The following PAX5 variants were observed in gnomAD, a reference collection of about 807,000 sequenced individuals.
The protein encoded by PAX5 is paired box protein Pax-5.
PAX5 carries 9 observed loss-of-function variants against 43.7 expected under a neutral mutation model. The ratio of observed to expected loss-of-function variants is 0.21; its 90% CI spans 0.12 to 0.36. PAX5 has a LOEUF of 0.36. Ranked by LOEUF, PAX5 falls within the 10% of genes least tolerant of loss-of-function variation. PAX5 has a pLI of 1.00. For missense variants in PAX5, 383 were observed against 532.7 expected, an observed-to-expected ratio of 0.72 and a Z score of 2.77; for synonymous variants, 228 against 214.3, an observed-to-expected ratio of 1.06 and a Z score of -0.56.
intron 7 of PAX5, among the ~76,000 whole-genome samples, chr9:36,920,183 A>G (rs1830052516): frequency 6.6e-6 from 1 of 152,234 alleles, no homozygotes; most frequent in South Asian, 2.1e-4. Flanking sequence ...TGAAATGCCA[A>G]CAAAGGATTT....
intron 3 of PAX5, among the ~76,000 whole-genome samples, chr9:37,013,314 G>A (rs1159080070): frequency 6.6e-6 from 1 of 152,046 alleles, no homozygotes; most frequent in Non-Finnish European, 1.5e-5. Context: ...ATCGTCTTTT[G>A]CCTGGCCTGC....
chr9:36,871,076 C>T (rs187936029), intron 8 of PAX5, among the ~76,000 whole-genome samples: 3 of 152,364 alleles, frequency 2.0e-5, no homozygotes, highest in Non-Finnish European at 4.4e-5. Context: ...AGGGAATTGC[C>T]ACCTGCCCTC....
At chr9:36,847,003 C>A in intron 8 of PAX5, 74 bp from the exon 9 acceptor site, 2 of 1,077,730 alleles carry the variant, frequency 1.9e-6, no homozygotes, top group Non-Finnish European at 2.8e-6. Context: ...TGGGTCCCAG[C>A]CAGCCTGGTT....
chr9:36,899,577 C>T (rs1276626223), intron 7 of PAX5, among the ~76,000 whole-genome samples: 1 of 152,114 alleles, frequency 6.6e-6, no homozygotes, highest in Non-Finnish European at 1.5e-5. Flanking sequence ...TACTTTCCAA[C>T]CTCTCCACTG....
intron 5 of PAX5, among the ~76,000 whole-genome samples, chr9:36,974,336 C>T (rs563971398): frequency 1.8e-4 from 28 of 152,322 alleles, no homozygotes; most frequent in African/African-American, 6.7e-4. Context: ...GGCTGCAAAG[C>T]TCCCCACACC....
intron 7 of PAX5, among the ~76,000 whole-genome samples, chr9:36,900,872 C>T (rs1828326321): frequency 6.6e-6 from 1 of 152,164 alleles, no homozygotes; most frequent in South Asian, 2.1e-4. Flanking sequence ...AGCTCCTCTT[C>T]CATGGTCTTC....
chr9:37,018,599 G>C (rs966276987), intron 2 of PAX5, among the ~76,000 whole-genome samples: 4 of 108,902 alleles, frequency 3.7e-5, no homozygotes, highest in African/African-American at 1.2e-4. Flanking sequence ...TCTGTGGATT[G>C]AACGGCCCCA....
chr9:36,895,185 G>T (rs1011733071), intron 7 of PAX5, among the ~76,000 whole-genome samples: 1 of 152,242 alleles, frequency 6.6e-6, no homozygotes, highest in African/African-American at 2.4e-5. Flanking sequence ...GACGAGAGGC[G>T]CAGAGGGAAG....
intron 6 of PAX5, among the ~76,000 whole-genome samples, chr9:36,941,237 G>A (rs978742235): frequency 2.6e-5 from 4 of 152,184 alleles, no homozygotes; most frequent in African/African-American, 4.8e-5. Flanking sequence ...ACCTATCTGT[G>A]GAACACAACT....
chr9:37,001,810 CTTTTTTTTTTTTT>C (rs3073720), intron 5 of PAX5, among the ~76,000 whole-genome samples: 8 of 87,996 alleles, frequency 9.1e-5, no homozygotes, highest in South Asian at 5.1e-4. Flanking sequence ...ACAGCTCTGG[CTTTTTTTTTTTTT>C]TTTTTTTTTT....
rs1821466325 is a variant in PAX5 at position 36,834,089 on chromosome 9, G to A, written c.*6471C>T. On this transcript the variant is annotated 3_prime_UTR_variant, in exon 10 of 10. Transcript: ENST00000358127. ...ACTCAATGTCCAAGGCCACTAGAGG[G>A]TGAAAAACCAGGGCAGCGTCTTCCA... 1 of 233,126 alleles carries A rather than the reference G, an allele frequency of 4.3e-6. No individual in the cohort carries two copies. The highest frequency in any genetic ancestry group is 5.6e-5 in the Admixed American group (1 of 17,778). The allele number at this position is 233,126 out of a possible 1,614,324, so 14.4% of individuals were successfully genotyped here. A position where few individuals can be genotyped will look rare whatever the true frequency, so the allele number is the denominator to read the frequency against.
intron 8 of PAX5, among the ~76,000 whole-genome samples, chr9:36,859,136 C>T (rs144191351): frequency 5.3e-5 from 8 of 152,272 alleles, no homozygotes; most frequent in East Asian, 1.9e-4. Context: ...CCGAGGAGCG[C>T]GCTCAATTCT....
chr9:36,994,606 C>T (rs2132345263), intron 5 of PAX5, among the ~76,000 whole-genome samples: 1 of 152,300 alleles, frequency 6.6e-6, no homozygotes, highest in East Asian at 1.9e-4. Context: ...AGAGTTCATG[C>T]TAAGACTCCA....
chr9:36,859,243 G>A (rs955554745), intron 8 of PAX5, among the ~76,000 whole-genome samples: 7 of 152,180 alleles, frequency 4.6e-5, no homozygotes, highest in South Asian at 2.1e-4. Flanking sequence ...CACAGTCTGC[G>A]GGAGGGGCAG....
intron 2 of PAX5, among the ~76,000 whole-genome samples, chr9:37,016,053 A>G (rs565848284): frequency 6.6e-6 from 1 of 152,382 alleles, no homozygotes; most frequent in South Asian, 2.1e-4. Flanking sequence ...TGAATGAACA[A>G]ATAAATGAAT....
intron 8 of PAX5, among the ~76,000 whole-genome samples, chr9:36,868,186 G>A (rs1464382940): frequency 6.6e-6 from 1 of 152,272 alleles, no homozygotes; most frequent in Non-Finnish European, 1.5e-5. Context: ...CTGGGGGCGT[G>A]CCAGTAGCAC....
intron 3 of PAX5, among the ~76,000 whole-genome samples, chr9:37,010,949 T>C (rs1349533766): frequency 6.6e-6 from 1 of 151,910 alleles, no homozygotes; most frequent in Non-Finnish European, 1.5e-5. Flanking sequence ...GATGAAACCC[T>C]ATCTCTACAA....
intron 5 of PAX5, among the ~76,000 whole-genome samples, chr9:36,981,495 C>T (rs1022238948): frequency 2.7e-5 from 4 of 150,168 alleles, no homozygotes; most frequent in African/African-American, 2.5e-5. Flanking sequence ...CCGGTGTGAC[C>T]TCCTACTGGG....
intron 6 of PAX5, among the ~76,000 whole-genome samples, chr9:36,959,462 T>A (rs1833770402): frequency 6.6e-6 from 1 of 152,210 alleles, no homozygotes; most frequent in Non-Finnish European, 1.5e-5. Flanking sequence ...TGGCCCAAAT[T>A]TCTCCAGTCA....
Sources: gnomAD v4.1 joint callset for allele counts (sites outside exome capture counted in the v4.1 genomes callset) on GRCh38, gnomAD v4.1.1 for gene constraint, MANE v1.5 for transcripts, NCBI Gene and HGNC (gene_info 2026-07-23, HGNC 2026-07-21) for gene names.